DNTT: variants seen among roughly 807,000 people sequenced by gnomAD.
DNTT encodes the protein DNA nucleotidylexotransferase, also known as nucleosidetriphosphate:DNA deoxynucleotidylexotransferase.
DNTT carries 47 observed loss-of-function variants against 60.9 expected under a neutral mutation model. The observed-to-expected ratio is 0.77, with a 90% CI of 0.61 to 0.98. The LOEUF is 0.98. Among genes scored for constraint, DNTT ranks in the 50% least tolerant of loss-of-function variants. The probability of loss-of-function intolerance (pLI) is 0.00; values close to 1 mark genes in which losing one functional copy is unlikely to be tolerated. For synonymous variants in DNTT, 224 were observed against 221.2 expected, an observed-to-expected ratio of 1.01 and a Z score of -0.11; for missense variants, 665 against 627.5, an observed-to-expected ratio of 1.06 and a Z score of -0.64.
intron 1 of DNTT, among the ~76,000 whole-genome samples, chr10:96,309,966 A>C (rs1844690447): frequency 1.3e-5 from 2 of 152,206 alleles, no homozygotes; most frequent in Admixed American, 1.3e-4. Context: ...AAGGATCTGA[A>C]AAAAGCAACC....
At chr10:96,322,543 T>C in intron 4 of DNTT, 114 bp from the exon 5 acceptor site, 1 of 654,554 alleles carries the variant, frequency 1.5e-6, no homozygotes, top group Middle Eastern at 2.8e-4. Flanking sequence ...TACCCCTGCA[T>C]GTGATGCATG....
chr10:96,305,131 C>T (rs977500372), intron 1 of DNTT, among the ~76,000 whole-genome samples: 4 of 152,184 alleles, frequency 2.6e-5, no homozygotes, highest in Non-Finnish European at 4.4e-5. Context: ...TCTGGGCGTG[C>T]TAAGGCAGCT....
At chr10:96,321,423 G>A (rs1844875638) in intron 4 of DNTT, among the ~76,000 whole-genome samples, 1 of 152,130 alleles carries the variant, frequency 6.6e-6, no homozygotes, top group African/African-American at 2.4e-5. Context: ...AGCATGTGCA[G>A]TGTGTCTACT....
intron 1 of DNTT, among the ~76,000 whole-genome samples, chr10:96,314,297 C>G (rs910854300): frequency 2.6e-5 from 4 of 151,580 alleles, no homozygotes; most frequent in African/African-American, 9.7e-5. Context: ...CATGGATGGC[C>G]AAGCACATAG....
At chr10:96,325,584 T>C (rs1379036993) in intron 6 of DNTT, among the ~76,000 whole-genome samples, 2 of 152,226 alleles carry the variant, frequency 1.3e-5, no homozygotes, top group East Asian at 3.8e-4. Context: ...AACTGGATTT[T>C]TGTTCTTCCT....
chr10:96,324,652 C>A (rs1844920062), intron 6 of DNTT, among the ~76,000 whole-genome samples: 1 of 152,184 alleles, frequency 6.6e-6, no homozygotes, highest in Non-Finnish European at 1.5e-5. Flanking sequence ...TCAGATAATG[C>A]AGGCAATGCC....
chr10:96,322,808 G>A (rs1844896576), intron 5 of DNTT, 80 bp downstream of exon 5: 2 of 1,155,382 alleles, frequency 1.7e-6, no homozygotes. Flanking sequence ...GTATTAGTCA[G>A]CTTGGGCTGC....
At chr10:96,310,983 G>C (rs1469250082) in intron 1 of DNTT, among the ~76,000 whole-genome samples, 1 of 152,066 alleles carries the variant, frequency 6.6e-6, no homozygotes, top group Non-Finnish European at 1.5e-5. Context: ...AAAATTTGCG[G>C]CTTTAAATTA....
chr10:96,305,397 C>T (rs957998721), intron 1 of DNTT, among the ~76,000 whole-genome samples: 7 of 152,152 alleles, frequency 4.6e-5, no homozygotes, highest in African/African-American at 1.4e-4. Flanking sequence ...AATCCACTCA[C>T]CTTGAACAGC....
At chr10:96,309,995 G>A (rs1230845412) in intron 1 of DNTT, among the ~76,000 whole-genome samples, 1 of 152,154 alleles carries the variant, frequency 6.6e-6, no homozygotes, top group Non-Finnish European at 1.5e-5. Flanking sequence ...AGGTAACTCC[G>A]ACTTTCAGAT....
Position 96,304,675 on chromosome 10 carries a change from G to C in DNTT, c.178G>C (p.Gly60Arg), listed in dbSNP as rs144017257. ...CCTCATGGAGCTGGCCCGCAGGAAA[G>C]GGTTCAGGGTTGAAAATGAGCTCAG... The part of the protein sequence containing the change: ...AFLMELARRK[G>R]FRVENELSDS... The change falls in exon 1 of 11, where the codon GGG becomes CGG. Residue 60 changes from glycine (G) to arginine (R), a missense_variant. Coordinates refer to ENST00000371174, the MANE Select transcript of DNTT (RefSeq NM_004088.4). 9.9e-6 allele frequency: 16 copies of C among 1,613,926 alleles called. No individual in the cohort carries two copies. Among genetic ancestry groups the C allele is most frequent in the Admixed American group, 1.7e-5 (1 of 60,008 alleles).
Position 96,338,298 on chromosome 10 carries a change from C to A in DNTT, c.*74C>A. ...TATGCTTCATATTAGTAAAAGATGC[C>A]ATAGGAGAGTTTGGGGTTATTTAGG... On this transcript the variant is annotated 3_prime_UTR_variant, in exon 11 of 11. Coordinates refer to ENST00000371174, the MANE Select transcript of DNTT (RefSeq NM_004088.4). 1.4e-6 allele frequency: 2 copies of A among 1,391,940 alleles called. No homozygotes were observed. Among genetic ancestry groups the A allele is most frequent in the Non-Finnish European group, 2.0e-6 (2 of 1,007,712 alleles). The allele number at this position is 1,391,940 out of a possible 1,614,324, so 86.2% of individuals were successfully genotyped here. A position where few individuals can be genotyped will look rare whatever the true frequency, so the allele number is the denominator to read the frequency against.
intron 1 of DNTT, among the ~76,000 whole-genome samples, chr10:96,306,068 T>C (rs1844631444): frequency 6.6e-6 from 1 of 151,432 alleles, no homozygotes; most frequent in Admixed American, 6.6e-5. Context: ...GAAGATTATA[T>C]AGGTAAAGAA....
At chr10:96,316,405 G>C (rs962952937) in intron 1 of DNTT, among the ~76,000 whole-genome samples, 1 of 152,180 alleles carries the variant, frequency 6.6e-6, no homozygotes, top group African/African-American at 2.4e-5. Context: ...CCAAATCACT[G>C]TATGTACCAG....
chr10:96,307,707 A>G (rs200706938), intron 1 of DNTT, among the ~76,000 whole-genome samples: 3 of 32,394 alleles, frequency 9.3e-5, no homozygotes, highest in African/African-American at 2.1e-4. Flanking sequence ...GTGTGTGTGT[A>G]TATATATATA....
intron 1 of DNTT, among the ~76,000 whole-genome samples, chr10:96,310,832 G>A (rs1844706578): frequency 6.6e-6 from 1 of 152,080 alleles, no homozygotes; most frequent in Admixed American, 6.5e-5. Flanking sequence ...AGTAATTTTT[G>A]TAATGAATTT....
At chr10:96,329,531 T>C (rs760103767) in intron 8 of DNTT, among the ~76,000 whole-genome samples, 5 of 152,212 alleles carry the variant, frequency 3.3e-5, no homozygotes, top group Non-Finnish European at 5.9e-5. Context: ...CTGGTGTTTC[T>C]CCTCACAGCT....
intron 1 of DNTT, among the ~76,000 whole-genome samples, chr10:96,311,165 A>T (rs1844710168): frequency 6.6e-6 from 1 of 152,254 alleles, no homozygotes; most frequent in Admixed American, 6.5e-5. Flanking sequence ...TGTTCCAAGG[A>T]TACTGAAACA....
chr10:96,307,733 A>ATATATATATATATATATATAT (rs1491263751), intron 1 of DNTT, among the ~76,000 whole-genome samples: 1 of 60,782 alleles, frequency 1.6e-5, no homozygotes, highest in Non-Finnish European at 4.4e-5. Context: ...ATATATATAT[A>ATATATATATATATATATATAT]AGCATATATA....
Sources: gnomAD v4.1 joint callset for allele counts (sites outside exome capture counted in the v4.1 genomes callset) on GRCh38, gnomAD v4.1.1 for gene constraint, MANE v1.5 for transcripts, NCBI Gene and HGNC (gene_info 2026-07-23, HGNC 2026-07-21) for gene names.